The following SPECC1 variants were observed in gnomAD, a reference collection of about 807,000 sequenced individuals.
SPECC1 encodes the protein cytospin-B.
SPECC1 carries 62 observed loss-of-function variants against 104.1 expected under a neutral mutation model. That is an observed-to-expected ratio of 0.60 (90% CI 0.49 to 0.74). SPECC1 has a LOEUF of 0.74. Ranked by LOEUF, SPECC1 falls within the 30% of genes least tolerant of loss-of-function variation. SPECC1 has a pLI of 0.00. For missense variants in SPECC1, 1,306 were observed against 1,310.5 expected, an observed-to-expected ratio of 1.00 and a Z score of 0.05; for synonymous variants, 513 against 501.6, an observed-to-expected ratio of 1.02 and a Z score of -0.30.
intron 2 of SPECC1, among the ~76,000 whole-genome samples, chr17:20,097,053 T>C (rs540479603): frequency 1.3e-5 from 2 of 152,294 alleles, no homozygotes; most frequent in South Asian, 4.2e-4. Flanking sequence ...CTGGGTTGCA[T>C]GGACATCCCG....
intron 3 of SPECC1, among the ~76,000 whole-genome samples, chr17:20,201,552 GTGA>G (rs1321799168): frequency 6.6e-6 from 1 of 152,146 alleles, no homozygotes; most frequent in East Asian, 1.9e-4. Flanking sequence ...AAATGCCAGT[GTGA>G]TGATCAGTCC....
At chr17:20,160,059 T>C (rs2032995781) in intron 3 of SPECC1, among the ~76,000 whole-genome samples, 1 of 152,238 alleles carries the variant, frequency 6.6e-6, no homozygotes, top group South Asian at 2.1e-4. Context: ...CAGCTTATTA[T>C]TTGTTTTAAA....
intron 13 of SPECC1, among the ~76,000 whole-genome samples, chr17:20,298,948 A>AGAGAGAGAGAGTGTGTGTGT: frequency 8.2e-5 from 4 of 49,074 alleles, no homozygotes; most frequent in African/African-American, 3.7e-4. Context: ...AGAGAGAGAG[A>AGAGAGAGAGAGTGTGTGTGT]GTGTGTGTGT....
intron 12 of SPECC1, among the ~76,000 whole-genome samples, chr17:20,264,457 A>AT (rs10565315): frequency 0.018 from 1,016 of 55,764 alleles, 135 homozygotes; most frequent in Middle Eastern, 0.032. Context: ...TTGGAGACGG[A>AT]TTTTTTTTTT....
At chr17:20,197,508 CTCTGT>C (rs2036117517) in intron 3 of SPECC1, among the ~76,000 whole-genome samples, 1 of 51,558 alleles carries the variant, frequency 1.9e-5, no homozygotes, top group Admixed American at 2.0e-4. Flanking sequence ...ACGGGACAGT[CTCTGT>C]TTCCTTTCCT....
intron 7 of SPECC1, among the ~76,000 whole-genome samples, chr17:20,243,267 T>C (rs1233952356): frequency 6.6e-6 from 1 of 152,168 alleles, no homozygotes; most frequent in African/African-American, 2.4e-5. Context: ...CCTTGCAGTT[T>C]TTCTTTTATT....
chr17:20,288,725 A>G (rs1008225606), intron 12 of SPECC1, among the ~76,000 whole-genome samples: 1 of 150,904 alleles, frequency 6.6e-6, no homozygotes, highest in Non-Finnish European at 1.5e-5. Flanking sequence ...ACAGTTTCAC[A>G]TTGCTGGGGA....
intron 2 of SPECC1, among the ~76,000 whole-genome samples, chr17:20,108,482 T>C (rs2048336142): frequency 6.6e-6 from 1 of 152,236 alleles, no homozygotes; most frequent in South Asian, 2.1e-4. Context: ...AGAAGGTTTC[T>C]TTTTGGTTGT....
chr17:20,123,205 A>G (rs900396982), intron 3 of SPECC1, among the ~76,000 whole-genome samples: 12 of 152,244 alleles, frequency 7.9e-5, no homozygotes, highest in African/African-American at 2.9e-4. Flanking sequence ...ACCACGAGAC[A>G]TGGAAGTGCC....
At chr17:20,238,476 A>T in intron 7 of SPECC1, 2 of 1,042,372 alleles carry the variant, frequency 1.9e-6, no homozygotes, top group Non-Finnish European at 2.3e-6. Context: ...CGTTATCCAA[A>T]GGATGAGACA....
chr17:20,122,835 A>G (rs886298396), intron 3 of SPECC1, among the ~76,000 whole-genome samples: 15 of 152,190 alleles, frequency 9.9e-5, no homozygotes, highest in African/African-American at 3.6e-4. Context: ...AGGCTAAATA[A>G]TATTTCCTTG....
chr17:20,112,654 CAA>C, intron 3 of SPECC1: 2 of 925,030 alleles, frequency 2.2e-6, no homozygotes, highest in Non-Finnish European at 3.6e-6. Flanking sequence ...TTCAGGGAGT[CAA>C]GACACTCTGT....
At chr17:20,041,208 T>C (rs1198971126) in intron 1 of SPECC1, among the ~76,000 whole-genome samples, 1 of 152,224 alleles carries the variant, frequency 6.6e-6, no homozygotes, top group African/African-American at 2.4e-5. Flanking sequence ...GGTTACTGTA[T>C]TTTTCAATTC....
chr17:20,238,407 T>C, intron 7 of SPECC1: 2 of 1,041,182 alleles, frequency 1.9e-6, no homozygotes, highest in Non-Finnish European at 2.3e-6. Context: ...GCAGAAACCT[T>C]CTGCAATCCT....
intron 1 of SPECC1, among the ~76,000 whole-genome samples, chr17:20,011,421 A>G (rs1045851385): frequency 3.3e-5 from 5 of 152,164 alleles, no homozygotes; most frequent in African/African-American, 1.2e-4. Context: ...ATAATGTTGT[A>G]TATAGTATTC....
chr17:20,047,288 G>T (rs2045575017), intron 1 of SPECC1, among the ~76,000 whole-genome samples: 1 of 152,082 alleles, frequency 6.6e-6, no homozygotes, highest in Non-Finnish European at 1.5e-5. Flanking sequence ...GGCTCAGTAG[G>T]CAGCATTCTT....
chr17:20,235,028 G>A, intron 7 of SPECC1, among the ~76,000 whole-genome samples: 1 of 152,234 alleles, frequency 6.6e-6, no homozygotes, highest in African/African-American at 2.4e-5. Flanking sequence ...CATGTTTGCA[G>A]CCAACCAGTA....
At chr17:20,027,566 A>C (rs1227512934) in intron 1 of SPECC1, among the ~76,000 whole-genome samples, 1 of 152,180 alleles carries the variant, frequency 6.6e-6, no homozygotes, top group Non-Finnish European at 1.5e-5. Flanking sequence ...TGGGTCTTAC[A>C]TTCAAGTCTT....
At chr17:20,054,380 C>CT (rs2045883176) in intron 1 of SPECC1, among the ~76,000 whole-genome samples, 1 of 152,194 alleles carries the variant, frequency 6.6e-6, no homozygotes, top group Non-Finnish European at 1.5e-5. Context: ...TCTCCCACGG[C>CT]TTTTCTTCTT....
Sources: gnomAD v4.1 joint callset for allele counts (sites outside exome capture counted in the v4.1 genomes callset) on GRCh38, gnomAD v4.1.1 for gene constraint, MANE v1.5 for transcripts, NCBI Gene and HGNC (gene_info 2026-07-23, HGNC 2026-07-21) for gene names.